The following AP2A2 variants were observed in gnomAD, a reference collection of about 807,000 sequenced individuals.
AP2A2 encodes AP-2 complex subunit alpha-2.
Under a neutral mutation model 104.2 loss-of-function variants are expected in AP2A2, and 32 were observed. The ratio of observed to expected loss-of-function variants is 0.31; its 90% CI spans 0.23 to 0.41. AP2A2 has a LOEUF of 0.41. Ranked by LOEUF, AP2A2 falls within the 10% of genes least tolerant of loss-of-function variation. AP2A2 has a pLI of 1.00. For synonymous variants in AP2A2, 539 were observed against 533.3 expected (o/e 1.01, Z -0.15); for missense variants, 912 against 1,261.0 (o/e 0.72, Z 4.19).
chr11:927,434 G>A (rs1048083097), intron 1 of AP2A2, among the ~76,000 whole-genome samples: 8 of 151,804 alleles, frequency 5.3e-5, no homozygotes, highest in African/African-American at 1.9e-4. Flanking sequence ...TAGACGGGAT[G>A]GAGGATCAGG....
Position 1,011,061 on chromosome 11 carries a change from T to C in AP2A2, c.*436T>C, listed in dbSNP as rs1418997447. The C allele has an allele frequency of 3.2e-6, 2 of 630,666 alleles. No individual in the cohort carries two copies. Among genetic ancestry groups the C allele is most frequent in the South Asian group, 1.4e-5 (1 of 71,150 alleles). The allele number at this position is 630,666 out of a possible 1,614,324, so 39.1% of individuals were successfully genotyped here. On this transcript the variant is annotated 3_prime_UTR_variant, in exon 22 of 22. Coordinates refer to ENST00000448903, the MANE Select transcript of AP2A2 (RefSeq NM_012305.4). ...CTTGGTGTGTGGCCGTCCTGGTGGC[T>C]GCACACCTGGCGTCGTCCTGGGCCC...
intron 1 of AP2A2, among the ~76,000 whole-genome samples, chr11:958,137 C>A (rs1345242741): frequency 6.6e-6 from 1 of 152,196 alleles, no homozygotes; most frequent in Non-Finnish European, 1.5e-5. Flanking sequence ...GGGTCCTAAT[C>A]CTGTAGGATT....
At chr11:940,230 A>G (rs1853601170) in intron 1 of AP2A2, among the ~76,000 whole-genome samples, 1 of 152,328 alleles carries the variant, frequency 6.6e-6, no homozygotes, top group East Asian at 1.9e-4. Flanking sequence ...CTGGGATTAC[A>G]GCCGTGAGCC....
intron 16 of AP2A2, among the ~76,000 whole-genome samples, chr11:1,004,458 G>A (rs572976680): frequency 6.6e-6 from 1 of 152,170 alleles, no homozygotes; most frequent in Non-Finnish European, 1.5e-5. Context: ...GGGCAACAGA[G>A]TGAGACTCTG....
Position 1,011,571 on chromosome 11 carries a change from A to G in AP2A2, c.*946A>G, listed in dbSNP as rs779073367. On this transcript the variant is annotated 3_prime_UTR_variant, in exon 22 of 22. Coordinates refer to ENST00000448903, the MANE Select transcript of AP2A2 (RefSeq NM_012305.4). ...ACCTGCGGCTTGTGTCTCACCTGTCATCTGGACTCAGCACCCAGGCTGCAC... is the reference window on the plus strand; with the variant it reads ...ACCTGCGGCTTGTGTCTCACCTGTCGTCTGGACTCAGCACCCAGGCTGCAC... The G allele has an allele frequency of 4.4e-6, 2 of 452,114 alleles. No individual in the cohort carries two copies. Among genetic ancestry groups the G allele is most frequent in the African/African-American group, 2.0e-5 (1 of 50,390 alleles). The allele number at this position is 452,114 out of a possible 1,614,324, so 28.0% of individuals were successfully genotyped here.
At chr11:958,639 G>A (rs1854318364) in intron 1 of AP2A2, among the ~76,000 whole-genome samples, 1 of 152,138 alleles carries the variant, frequency 6.6e-6, no homozygotes, top group African/African-American at 2.4e-5. Context: ...GGGGCTGTTG[G>A]TGGGAGCACT....
rs376233719 is a variant in AP2A2, at chr11:993,261, G to A, written c.1453-23G>A. 37 of 1,589,520 alleles carry A rather than the reference G, an allele frequency of 2.3e-5. No individual in the cohort carries two copies. The highest frequency in any genetic ancestry group is 6.8e-5 in the East Asian group (3 of 44,252). ...AACTCTGGCACCTGGCTGCCACCCC[G>A]GCTCATTGTTTGTGCTTCGCAGGCT... On this transcript the variant is annotated intron_variant, in intron 11 of 21. Transcript: ENST00000448903. The surrounding 1 kb of genome is among the most constrained non-coding windows in gnomAD (Gnocchi z 8.2).
chr11:948,209 A>G (rs1853916911), intron 1 of AP2A2, among the ~76,000 whole-genome samples: 1 of 152,220 alleles, frequency 6.6e-6, no homozygotes, highest in Non-Finnish European at 1.5e-5. Flanking sequence ...TGGCAAACTT[A>G]GTGAGACTGA....
chr11:957,334 T>G (rs1272179060), intron 1 of AP2A2, among the ~76,000 whole-genome samples: 2 of 152,206 alleles, frequency 1.3e-5, no homozygotes, highest in Non-Finnish European at 2.9e-5. Context: ...ATAGGCATGA[T>G]TGACAGCTGT....
At chr11:944,345 C>T (rs749146115) in intron 1 of AP2A2, among the ~76,000 whole-genome samples, 2 of 152,166 alleles carry the variant, frequency 1.3e-5, no homozygotes, top group African/African-American at 4.8e-5. Flanking sequence ...AGCATTTATT[C>T]TTACCAAGTA....
chr11:956,040 TTTA>T (rs964953796), intron 1 of AP2A2, among the ~76,000 whole-genome samples: 1 of 152,164 alleles, frequency 6.6e-6, no homozygotes, highest in African/African-American at 2.4e-5. Flanking sequence ...TTATTATTGC[TTTA>T]AAAAAGTGAC....
chr11:999,440 G>A (rs928927494), intron 14 of AP2A2, among the ~76,000 whole-genome samples: 1 of 152,170 alleles, frequency 6.6e-6, no homozygotes, highest in African/African-American at 2.4e-5. Flanking sequence ...TGAGGTGGAG[G>A]TTGCAGTGAG....
At position 1,006,517 on chromosome 11, in the gene AP2A2, G is replaced by A. The variant is rs1021450443; in HGVS notation, c.2207-11G>A. 6.2e-7 allele frequency: 1 copy of A among 1,605,006 alleles called. No homozygotes were observed. Among genetic ancestry groups the A allele is most frequent in the Admixed American group, 1.7e-5 (1 of 58,896 alleles). On this transcript the variant is annotated splice_polypyrimidine_tract_variant and intron_variant, in intron 16 of 21. Coordinates refer to ENST00000448903, the MANE Select transcript of AP2A2 (RefSeq NM_012305.4). Reference sequence around the variant, plus strand: ...TGGTGTGTGTGAAAAAATTGTTTTTGTTCCTTCTAGGTCGGATGTTTATCT... The same window carrying A: ...TGGTGTGTGTGAAAAAATTGTTTTTATTCCTTCTAGGTCGGATGTTTATCT...
rs755093258 is a variant in AP2A2, at chr11:1,011,167, T to C, written c.*542T>C. The C allele has an allele frequency of 5.6e-6, 3 of 533,086 alleles. No individual in the cohort carries two copies. Among genetic ancestry groups the C allele is most frequent in the Non-Finnish European group, 7.4e-6 (2 of 269,692 alleles). 33.0% of individuals were successfully genotyped at this position (533,086 alleles called of 1,614,324 possible). On this transcript the variant is annotated 3_prime_UTR_variant, in exon 22 of 22. Coordinates refer to ENST00000448903, the MANE Select transcript of AP2A2 (RefSeq NM_012305.4). ...CCAGGCAGGATTTTAATCTAGAATT[T>C]AGAAACATTTGTATTTGTAATGACT...
chr11:935,634 G>A (rs866568294), intron 1 of AP2A2, among the ~76,000 whole-genome samples: 41 of 59,256 alleles, frequency 6.9e-4, no homozygotes, highest in Middle Eastern at 0.02. Flanking sequence ...TTGAGATAGA[G>A]TCTCGCTGTG....
At chr11:950,627 C>CA (rs906001041) in intron 1 of AP2A2, among the ~76,000 whole-genome samples, 43 of 149,682 alleles carry the variant, frequency 2.9e-4, no homozygotes, top group African/African-American at 9.1e-4. Flanking sequence ...GTGCAAATGA[C>CA]AAAAAAAAAG....
intron 1 of AP2A2, chr11:948,634 A>C (rs1043805115): frequency 6.6e-6 from 1 of 152,010 alleles, no homozygotes; most frequent in African/African-American, 2.4e-5. Context: ...TGGGAGTCTG[A>C]GGCACTCGGA....
chr11:949,652 A>G (rs1209201907), intron 1 of AP2A2, among the ~76,000 whole-genome samples: 5 of 151,374 alleles, frequency 3.3e-5, no homozygotes, highest in Non-Finnish European at 7.4e-5. Flanking sequence ...GCATGTGCCT[A>G]TAGTCCCAGC....
intron 2 of AP2A2, among the ~76,000 whole-genome samples, chr11:961,733 G>T (rs1854446656): frequency 1.5e-5 from 2 of 136,176 alleles, no homozygotes; most frequent in African/African-American, 5.5e-5. Flanking sequence ...TGGAGATGTG[G>T]GTCTGATAGT....
Sources: gnomAD v4.1 joint callset for allele counts (sites outside exome capture counted in the v4.1 genomes callset) on GRCh38, gnomAD v4.1.1 for gene constraint, Gnocchi (gnomAD v3.1) non-coding constraint, MANE v1.5 for transcripts, NCBI Gene and HGNC (gene_info 2026-07-23, HGNC 2026-07-21) for gene names.